LRFN5: variants seen among roughly 807,000 people sequenced by gnomAD.
The protein encoded by LRFN5 is leucine rich repeat and fibronectin type III domain containing 5.
Under a neutral mutation model 45.6 loss-of-function variants are expected in LRFN5, and 24 were observed. The observed-to-expected ratio is 0.53, with a 90% CI of 0.38 to 0.74. LRFN5 has a LOEUF of 0.74. Ranked by LOEUF, LRFN5 falls within the 30% of genes least tolerant of loss-of-function variation. The pLI, the probability that LRFN5 is intolerant of heterozygous loss-of-function variation, is 0.00. For missense variants in LRFN5, 776 were observed against 861.5 expected (o/e 0.90, Z 1.24); for synonymous variants, 340 against 313.8 (o/e 1.08, Z -0.88).
chr14:41,899,046 A>G, intron 5 of LRFN5, 86 bp downstream of exon 5: 3 of 1,055,038 alleles, frequency 2.8e-6, no homozygotes, highest in Admixed American at 2.6e-5. Context: ...TTAGTTTGCT[A>G]ATTTATGTAG....
chr14:41,746,359 A>T lies in LRFN5; in HGVS notation c.-196-20495A>T, dbSNP rs763972851. On this transcript the variant is annotated intron_variant, in intron 1 of 5. Coordinates refer to ENST00000298119, the MANE Select transcript of LRFN5 (RefSeq NM_152447.5). ...AAGGAAACTACCTCAATATTATAAA[A>T]GTCATGTATGACAAAAAATACAGAA... Among the ~76,000 whole-genome samples the T allele has an allele frequency of 2.0e-5, 3 of 152,142 alleles. No individual in the cohort carries two copies. In the South Asian group the frequency reaches 6.2e-4, roughly 32 times the overall value.
chr14:41,854,878 A>T (rs966478320), intron 2 of LRFN5, among the ~76,000 whole-genome samples: 1 of 152,212 alleles, frequency 6.6e-6, no homozygotes, highest in Non-Finnish European at 1.5e-5. Flanking sequence ...TCTGATCGAT[A>T]AAACAAAAGC....
chr14:41,654,113 G>T lies in LRFN5; in HGVS notation c.-197+45551G>T, dbSNP rs532128742. Among the ~76,000 whole-genome samples, 5 of 151,840 alleles carry T rather than the reference G, an allele frequency of 3.3e-5. No homozygotes were observed. The South Asian group carries it at 1.0e-3, about 32-fold the overall frequency. On this transcript the variant is annotated intron_variant, in intron 1 of 5. Coordinates refer to ENST00000298119, the MANE Select transcript of LRFN5 (RefSeq NM_152447.5). ...ACCTAATGTAAATGATGAGTTAATGGGTGCAGCACACCAACATGGCACATG... is the reference window on the plus strand; with the variant it reads ...ACCTAATGTAAATGATGAGTTAATGTGTGCAGCACACCAACATGGCACATG...
chr14:41,790,324 T>A (rs1886874432), intron 2 of LRFN5, among the ~76,000 whole-genome samples: 1 of 151,872 alleles, frequency 6.6e-6, no homozygotes, highest in South Asian at 2.1e-4. Flanking sequence ...GAGTCTTATT[T>A]TTTTTCTTAA....
chr14:41,868,962 A>T (rs567097964), intron 2 of LRFN5, among the ~76,000 whole-genome samples: 1 of 152,136 alleles, frequency 6.6e-6, no homozygotes, highest in Non-Finnish European at 1.5e-5. Context: ...CGTTTACGCT[A>T]ATCACTTAAT....
At chr14:41,787,013 C>T (rs1392488923) in intron 2 of LRFN5, among the ~76,000 whole-genome samples, 1 of 152,014 alleles carries the variant, frequency 6.6e-6, no homozygotes, top group Non-Finnish European at 1.5e-5. Context: ...TCTCCTTACT[C>T]ATCATGGTCA....
At chr14:41,622,555 A>G (rs925841647) in intron 1 of LRFN5, among the ~76,000 whole-genome samples, 2 of 152,102 alleles carry the variant, frequency 1.3e-5, no homozygotes, top group Non-Finnish European at 2.9e-5. Flanking sequence ...TATATATTGT[A>G]CTGTTCATAA....
chr14:41,696,323 T>C (rs1052993494), intron 1 of LRFN5, among the ~76,000 whole-genome samples: 3 of 151,958 alleles, frequency 2.0e-5, no homozygotes, highest in African/African-American at 7.2e-5. Context: ...TACAGAATGT[T>C]ACATAAACTT....
At chr14:41,766,297 A>C (rs1594689805) in intron 1 of LRFN5, among the ~76,000 whole-genome samples, 1 of 152,324 alleles carries the variant, frequency 6.6e-6, no homozygotes, top group East Asian at 1.9e-4. Flanking sequence ...GGTTGAAATC[A>C]GTAATCTTCT....
chr14:41,838,845 G>A (rs373864272), intron 2 of LRFN5, among the ~76,000 whole-genome samples: 2 of 152,030 alleles, frequency 1.3e-5, no homozygotes, highest in African/African-American at 4.8e-5. Flanking sequence ...TGAATGTGTG[G>A]TTATTTTCTT....
At chr14:41,733,342 T>C (rs904305639) in intron 1 of LRFN5, 2 of 152,164 alleles carry the variant, frequency 1.3e-5, no homozygotes, top group South Asian at 2.1e-4. Flanking sequence ...GCTTATCATA[T>C]GCAAACGATA....
intron 2 of LRFN5, among the ~76,000 whole-genome samples, chr14:41,781,616 G>GAGAA (rs369101866): frequency 4.2e-4 from 25 of 59,666 alleles, no homozygotes; most frequent in African/African-American, 1.2e-3. Flanking sequence ...AAGAAAGAAA[G>GAGAA]AGAAAGAAAG....
chr14:41,816,056 A>G (rs1439362465), intron 2 of LRFN5, among the ~76,000 whole-genome samples: 1 of 152,116 alleles, frequency 6.6e-6, no homozygotes, highest in Non-Finnish European at 1.5e-5. Context: ...AGAACACTGT[A>G]CCAACTTCAC....
chr14:41,691,751 C>A (rs530068075), intron 1 of LRFN5, among the ~76,000 whole-genome samples: 5 of 152,152 alleles, frequency 3.3e-5, no homozygotes, highest in African/African-American at 9.6e-5. Context: ...ATTCCACTTT[C>A]CAGATTATCC....
intron 1 of LRFN5, among the ~76,000 whole-genome samples, chr14:41,757,485 G>T (rs555283328): frequency 6.6e-6 from 1 of 152,192 alleles, no homozygotes; most frequent in African/African-American, 2.4e-5. Context: ...CCTCGCTGCC[G>T]CCTTGCAGTT....
intron 2 of LRFN5, among the ~76,000 whole-genome samples, chr14:41,774,512 T>C (rs924641876): frequency 6.6e-6 from 1 of 152,144 alleles, no homozygotes; most frequent in African/African-American, 2.4e-5. Flanking sequence ...TGATTATAAA[T>C]GCTAACATAA....
At chr14:41,623,530 CT>C (rs1376046817) in intron 1 of LRFN5, among the ~76,000 whole-genome samples, 50 of 152,154 alleles carry the variant, frequency 3.3e-4, no homozygotes, top group African/African-American at 1.1e-3. Context: ...TCAAACACAC[CT>C]CTGTTTTGTA....
At chr14:41,894,996 C>G (rs1181711343) in intron 4 of LRFN5, 1 of 979,482 alleles carries the variant, frequency 1.0e-6, no homozygotes, top group Non-Finnish European at 1.2e-6. Flanking sequence ...CTTCCTCGTT[C>G]TTATTTTTCT....
In LRFN5 at chr14:41,791,630, AT is replaced by A. The variant is rs1886923977; in HGVS notation, c.-21+24605del. ...TGATAGTTTTTGTCACAATCATGTC[AT>A]TTTAAAAAATGTTTCCTGTTAACAG... On this transcript the variant is annotated intron_variant, in intron 2 of 5. Transcript: ENST00000298119. 2.6e-5 allele frequency among the ~76,000 whole-genome samples: 4 copies of A among 152,192 alleles called. No individual in the cohort carries two copies. In the South Asian group the frequency reaches 8.3e-4, roughly 32 times the overall value.
Sources: gnomAD v4.1 joint callset for allele counts (sites outside exome capture counted in the v4.1 genomes callset) on GRCh38, gnomAD v4.1.1 for gene constraint, MANE v1.5 for transcripts, NCBI Gene and HGNC (gene_info 2026-07-23, HGNC 2026-07-21) for gene names.